The following GOLGA6L2 variants were observed in gnomAD, a reference collection of about 807,000 sequenced individuals.
GOLGA6L2 encodes golgin subfamily A member 6-like protein 2.
A neutral mutation model predicts 35.9 loss-of-function variants in GOLGA6L2; 30 were observed. The ratio of observed to expected loss-of-function variants is 0.83; its 90% CI spans 0.62 to 1.13. The LOEUF (loss-of-function observed/expected upper bound fraction) is 1.13, where lower values mean the gene tolerates loss of function less well. Ranked by LOEUF, GOLGA6L2 falls within the 50% of genes most tolerant of loss-of-function variation. The pLI, the probability that GOLGA6L2 is intolerant of heterozygous loss-of-function variation, is 0.00. For synonymous variants in GOLGA6L2, 297 were observed against 344.0 expected (o/e 0.86, Z 1.51); for missense variants, 821 against 973.4 (o/e 0.84, Z 2.08).
chr15:23,443,409 C>T (rs145893951), intron 5 of GOLGA6L2, among the ~76,000 whole-genome samples: 2 of 151,864 alleles, frequency 1.3e-5, no homozygotes, highest in African/African-American at 2.4e-5. Context: ...CACGCACATG[C>T]ACACTTATGT....
chr15:23,439,879 C>G lies in GOLGA6L2; in HGVS notation c.2596G>C (p.Asp866His), dbSNP rs1373774636. The change falls in exon 8 of 8, where the codon GAT becomes CAT. Residue 866 changes from aspartate to histidine, a missense_variant. Physicochemically the swap from Asp to His is moderately conservative, Grantham distance 81 (BLOSUM62 -1). This residue lies in a region of GOLGA6L2 where 12 missense variants were observed against 22.4 expected (regional missense o/e 0.53). Transcript: ENST00000567107. ...CTCGCATCTCCTCCTGCCCCCACAT[C>G]TTCTCCTCCTGCCCCCACATCTTCT... ...GGEDVGAGGE[D>H]VGAGGDAREG... 4 of 1,519,466 alleles carry G rather than the reference C, an allele frequency of 2.6e-6. No homozygotes were observed. In the Admixed American group the frequency reaches 6.1e-5, roughly 23 times the overall value. The allele number at this position is 1,519,466 out of a possible 1,614,324, so 94.1% of individuals were successfully genotyped here. A position where few individuals can be genotyped will look rare whatever the true frequency, so the allele number is the denominator to read the frequency against.
At chr15:23,442,809 A>G (rs1596040921) in intron 5 of GOLGA6L2, among the ~76,000 whole-genome samples, 1 of 152,122 alleles carries the variant, frequency 6.6e-6, no homozygotes, top group East Asian at 1.9e-4. Context: ...CCTCCTAAGT[A>G]GCTGGGATTA....
At chr15:23,441,810 C>A in intron 7 of GOLGA6L2, 128 bp from the exon 8 acceptor site, 3 of 1,358,846 alleles carry the variant, frequency 2.2e-6, no homozygotes, top group Non-Finnish European at 2.9e-6. Flanking sequence ...CAGGCAGGGC[C>A]CCAAATTTGT....
In GOLGA6L2 at chr15:23,440,615, C is replaced by CA. The variant is rs2070657905; in HGVS notation, c.1859dup (p.Met620IlefsTer27). On this transcript the variant is annotated frameshift_variant, in exon 8 of 8. Coordinates refer to ENST00000567107, the MANE Select transcript of GOLGA6L2 (RefSeq NM_001304388.2). LOFTEE classifies it low-confidence loss of function (END_TRUNC). ...CTCTCGCATCTTCTCCTCCTGGTCC[C>CA]ATGTCTTCTTCTCCTGCTCCTGCGT... is the stretch of plus-strand genomic sequence containing the variant. 1 of 1,402,096 alleles carries CA rather than the reference C, an allele frequency of 7.1e-7. No individual in the cohort carries two copies. Among genetic ancestry groups the CA allele is most frequent in the Non-Finnish European group, 9.8e-7 (1 of 1,024,246 alleles). The allele number at this position is 1,402,096 out of a possible 1,614,324, so 86.9% of individuals were successfully genotyped here.
intron 5 of GOLGA6L2, among the ~76,000 whole-genome samples, chr15:23,442,978 G>C: frequency 6.6e-6 from 1 of 152,102 alleles, no homozygotes; most frequent in South Asian, 2.1e-4. Context: ...TGCCACTGTT[G>C]GAACCTTTCT....
At chr15:23,446,434 A>C (rs1287804630) in intron 1 of GOLGA6L2, among the ~76,000 whole-genome samples, 1 of 152,178 alleles carries the variant, frequency 6.6e-6, no homozygotes, top group Non-Finnish European at 1.5e-5. Context: ...AACCAGAGGA[A>C]GCAGAAACAG....
Position 23,443,809 on chromosome 15 carries a change from CAG to C in GOLGA6L2, c.557_558del (p.Ser186CysfsTer35), listed in dbSNP as rs2070725848. ...GCCTTCTTGTGCCATGTGGACACAG[CAG>C]AGAGAGCCCGCTGTAACTCTCCTGC... is the stretch of plus-strand genomic sequence containing the variant. ...HFAGELQRAL[S>X]AVSTWHKKAD... On this transcript the variant is annotated frameshift_variant, in exon 5 of 8. Coordinates refer to ENST00000567107, the MANE Select transcript of GOLGA6L2 (RefSeq NM_001304388.2). LOFTEE classifies it high-confidence loss of function. The C allele has an allele frequency of 1.9e-6, 3 of 1,539,200 alleles. No individual in the cohort carries two copies. Among genetic ancestry groups the C allele is most frequent in the South Asian group, 1.2e-5 (1 of 84,188 alleles).
intron 1 of GOLGA6L2, 57 bp downstream of exon 1, chr15:23,447,041 T>C: frequency 1.4e-6 from 1 of 730,696 alleles, no homozygotes; most frequent in Non-Finnish European, 2.2e-6. Flanking sequence ...TGTTCTGCCA[T>C]GGGAGGGGGC....
chr15:23,441,822 G>C (rs1246232395), intron 7 of GOLGA6L2, 140 bp from the exon 8 acceptor site: 3 of 1,360,094 alleles, frequency 2.2e-6, no homozygotes, highest in Non-Finnish European at 1.9e-6. Context: ...CAAATTTGTA[G>C]ATTTTTAGCA....
At chr15:23,443,036 A>C (rs1339641367) in intron 5 of GOLGA6L2, among the ~76,000 whole-genome samples, 1 of 152,156 alleles carries the variant, frequency 6.6e-6, no homozygotes, top group Non-Finnish European at 1.5e-5. Flanking sequence ...TAATCCTCAC[A>C]ACCTCCATAG....
At chr15:23,446,674 G>C (rs1360927480) in intron 1 of GOLGA6L2, among the ~76,000 whole-genome samples, 2 of 151,864 alleles carry the variant, frequency 1.3e-5, no homozygotes, top group South Asian at 2.1e-4. Flanking sequence ...CAGGGAGGTA[G>C]GGCTTGGGGC....
At chr15:23,443,690 A>C in intron 5 of GOLGA6L2, 87 bp downstream of exon 5, 1 of 1,046,952 alleles carries the variant, frequency 9.6e-7, no homozygotes, top group East Asian at 2.6e-5. Context: ...TGGGCAGGAC[A>C]CTGCATCCTG....
chr15:23,444,290 C>T (rs2141084427), intron 3 of GOLGA6L2, 78 bp from the exon 4 acceptor site: 1 of 1,535,602 alleles, frequency 6.5e-7, no homozygotes, highest in Non-Finnish European at 8.9e-7. Context: ...CAGAATGGCA[C>T]CAATGCCCCA....
intron 2 of GOLGA6L2, among the ~76,000 whole-genome samples, 172 bp from the exon 3 acceptor site, chr15:23,444,672 TG>T (rs1886739640): frequency 6.6e-6 from 1 of 152,166 alleles, no homozygotes; most frequent in Non-Finnish European, 1.5e-5. Context: ...TTTGGGTCTT[TG>T]TTGGTTTTTG....
At chr15:23,445,994 G>A (rs1342810593) in intron 1 of GOLGA6L2, among the ~76,000 whole-genome samples, 2 of 152,160 alleles carry the variant, frequency 1.3e-5, no homozygotes, top group African/African-American at 4.8e-5. Context: ...GGAAACTGAT[G>A]CTTCAGAAAG....
chr15:23,442,592 C>G (rs1566738547), intron 5 of GOLGA6L2, 84 bp from the exon 6 acceptor site: 2 of 1,234,008 alleles, frequency 1.6e-6, no homozygotes, highest in Non-Finnish European at 2.3e-6. Flanking sequence ...ACTGATACTC[C>G]ACAGTAACAC....
At chr15:23,441,891 C>A in intron 7 of GOLGA6L2, 88 bp downstream of exon 7, 1 of 1,471,106 alleles carries the variant, frequency 6.8e-7, no homozygotes, top group Non-Finnish European at 8.9e-7. Context: ...CAGCTCTTGG[C>A]TGGACCCTCC....
rs2070623065 is a variant in GOLGA6L2 at position 23,439,520 on chromosome 15, G to C, written c.*225C>G. On this transcript the variant is annotated 3_prime_UTR_variant, in exon 8 of 8. Coordinates refer to ENST00000567107, the MANE Select transcript of GOLGA6L2 (RefSeq NM_001304388.2). Reference sequence around the variant, plus strand: ...TGACATGGCGGCTTATGCTTCTGTAGGCCTTGTTGACAGTGCCAACTTTTA... The same window carrying C: ...TGACATGGCGGCTTATGCTTCTGTACGCCTTGTTGACAGTGCCAACTTTTA... The C allele has an allele frequency of 7.3e-7, 1 of 1,363,778 alleles. No homozygotes were observed. Among genetic ancestry groups the C allele is most frequent in the South Asian group, 1.3e-5 (1 of 78,604 alleles). The allele number at this position is 1,363,778 out of a possible 1,614,324, so 84.5% of individuals were successfully genotyped here.
intron 1 of GOLGA6L2, among the ~76,000 whole-genome samples, chr15:23,445,822 T>C (rs994223147): frequency 6.6e-6 from 1 of 152,178 alleles, no homozygotes; most frequent in Non-Finnish European, 1.5e-5. Context: ...TACATCAATG[T>C]ATCCTCAGGG....
Sources: allele counts gnomAD v4.1 joint callset (sites outside exome capture counted in the v4.1 genomes callset), GRCh38; gene constraint gnomAD v4.1.1; regional missense constraint gnomAD v4.1.1; transcripts MANE v1.5; gene names NCBI Gene and HGNC (gene_info 2026-07-23, HGNC 2026-07-21).